The following CP variants were observed in gnomAD, a reference collection of about 807,000 sequenced individuals.
The protein encoded by CP is caeruloplasmin.
Under a neutral mutation model 122.4 loss-of-function variants are expected in CP, and 64 were observed. The ratio of observed to expected loss-of-function variants is 0.52; its 90% confidence interval spans 0.43 to 0.64. The LOEUF is 0.64. Among genes scored for constraint, CP ranks in the 30% least tolerant of loss-of-function variants. The pLI is 0.00. For missense variants in CP, 1,167 were observed against 1,284.4 expected, an observed-to-expected ratio of 0.91 and a Z score of 1.40; for synonymous variants, 440 against 436.4, an observed-to-expected ratio of 1.01 and a Z score of -0.10.
At chr3:149,172,317 A>AACACAC (rs1559931139), downstream of CP, 5 of 640,856 alleles carry the variant, frequency 7.8e-6, no homozygotes, top group African/African-American at 8.4e-5. Flanking sequence ...TATTTTATAT[A>AACACAC]TCACACACAC....
rs1362093531 is a variant in CP, at chr3:149,166,010, G to T, written c.627C>A (p.Tyr209Ter). ...AAATAATCACACTGACTGTGATTGGGTAGATCACATTCCATATTCTCCTGT... is the reference window on the plus strand; with the variant it reads ...AAATAATCACACTGACTGTGATTGGTTAGATCACATTCCATATTCTCCTGT... The change falls in exon 5 of 6, where the codon TAC (tyrosine) becomes TAA (stop). Residue 209 changes from tyrosine (Y) to a stop codon, truncating the protein, a stop_gained. Coordinates refer to the CP transcript ENST00000479771. LOFTEE classifies it high-confidence loss of function. 1 of 456,276 alleles carries T rather than the reference G, an allele frequency of 2.2e-6. No individual in the cohort carries two copies. The highest frequency in any genetic ancestry group is 7.0e-5 in the East Asian group (1 of 14,362). The allele number at this position is 456,276 out of a possible 1,614,324, so 28.3% of individuals were successfully genotyped here.
At chr3:149,168,029 T>G (rs763410416), downstream of CP, 1 of 1,145,762 alleles carries the variant, frequency 8.7e-7, no homozygotes, top group Admixed American at 1.7e-5. Flanking sequence ...AAGTTTCAGT[T>G]TTAAATTTGG....
chr3:149,181,821 CT>C (rs35090033), intron 14 of CP, among the ~76,000 whole-genome samples, 183 bp downstream of exon 14: 12 of 148,706 alleles, frequency 8.1e-5, no homozygotes, highest in Middle Eastern at 3.5e-3. Context: ...CTCCTGTGGA[CT>C]TTTTTTTTTA....
In CP at chr3:149,172,751, T is replaced by A. The variant is rs34225821; in HGVS notation, c.*963A>T. ...CTCATTTTTTTTGTTCCTTTTCTTG[T>A]TACTTTTAAGAAAACTCATGCTCTG... On this transcript the variant is annotated 3_prime_UTR_variant, in exon 19 of 19. Transcript: ENST00000264613. The A allele has an allele frequency of 6.5e-6, 1 of 152,966 alleles. No individual in the cohort carries two copies. The highest frequency in any genetic ancestry group is 6.5e-5 in the Admixed American group (1 of 15,314). The allele number at this position is 152,966 out of a possible 1,614,324, so 9.5% of individuals were successfully genotyped here. A position where few individuals can be genotyped will look rare whatever the true frequency, so the allele number is the denominator to read the frequency against.
chr3:149,199,864 C>G lies in CP; in HGVS notation c.1349G>C (p.Gly450Ala). 2 of 1,613,862 alleles carry G rather than the reference C, an allele frequency of 1.2e-6. No individual in the cohort carries two copies. The highest frequency in any genetic ancestry group is 1.7e-6 in the Non-Finnish European group (2 of 1,179,844). Residue 450 changes from glycine (G) to alanine (A), a missense_variant and splice_region_variant, in exon 8 of 19, where the codon GGT becomes GCT. By Grantham distance (60) the Gly-to-Ala change is moderately conservative (BLOSUM62 0). Transcript: ENST00000264613. ...TCCCACCTCTGCCCAAATGACAGGA[C>G]CTGGGAACAAAGAGAGAATTATTAT... ...GPEEEHLGIL[G>A]PVIWAEVGDT...
At chr3:149,181,975 C>CCGGGG in intron 14 of CP, 30 bp downstream of exon 14, 1 of 1,088,426 alleles carries the variant, frequency 9.2e-7, no homozygotes, top group Non-Finnish European at 1.4e-6. Context: ...TGTTAAAATG[C>CCGGGG]ACCACCCCCA....
At chr3:149,179,694 G>A in intron 14 of CP, 32 bp from the exon 15 acceptor site, 2 of 1,169,374 alleles carry the variant, frequency 1.7e-6, no homozygotes, top group South Asian at 1.2e-5. Flanking sequence ...GGATCTGGTT[G>A]TATTTGGTTT....
intron 9 of CP, among the ~76,000 whole-genome samples, chr3:149,195,751 A>C (rs1267760013): frequency 6.6e-6 from 1 of 152,078 alleles, no homozygotes; most frequent in East Asian, 1.9e-4. Flanking sequence ...CTGTAGTCCC[A>C]GCTACTCAGG....
intron 17 of CP, 76 bp from the exon 18 acceptor site, chr3:149,176,488 T>C: frequency 8.5e-7 from 1 of 1,177,262 alleles, no homozygotes; most frequent in Non-Finnish European, 1.3e-6. Context: ...AATGTTCAGC[T>C]CAGGGATATT....
At chr3:149,170,883 G>A (rs1724907932), downstream of CP, among the ~76,000 whole-genome samples, 1 of 152,154 alleles carries the variant, frequency 6.6e-6, no homozygotes, top group Non-Finnish European at 1.5e-5. Context: ...GTTCATAACT[G>A]TCACCCTTCT....
intron 1 of CP, among the ~76,000 whole-genome samples, chr3:149,215,785 G>T (rs911957900): frequency 6.6e-6 from 1 of 152,074 alleles, no homozygotes; most frequent in Non-Finnish European, 1.5e-5. Flanking sequence ...TTTAATTGTA[G>T]TTCTTCCTGT....
downstream of CP, among the ~76,000 whole-genome samples, chr3:149,170,798 C>T (rs1194025892): frequency 6.6e-6 from 1 of 152,106 alleles, no homozygotes; most frequent in Non-Finnish European, 1.5e-5. Context: ...GATGGGCATG[C>T]AACGATCACA....
At position 149,186,604 on chromosome 3, in the gene CP, ATG is replaced by A. The variant is rs1257565717; in HGVS notation, c.1991_1992del (p.Thr664IlefsTer26). The A allele has an allele frequency of 3.7e-6, 6 of 1,614,044 alleles. No homozygotes were observed. In the African/African-American group the frequency reaches 5.3e-5, roughly 14 times the overall value. On this transcript the variant is annotated frameshift_variant, in exon 11 of 19. Coordinates refer to ENST00000264613, the MANE Select transcript of CP (RefSeq NM_000096.4). LOFTEE classifies it high-confidence loss of function. Reference protein sequence around the residue: ...DVHGIYFSGNTYLWRGERRDT... With the variant: ...DVHGIYFSGNXYLWRGERRDT... ...TCTCTCCGTTCTCCTCTCCACAGAT[ATG>A]TGTTTCCTGAAAAGTATATTCCATG... is the stretch of plus-strand genomic sequence containing the variant.
downstream of CP, among the ~76,000 whole-genome samples, chr3:149,171,236 C>T (rs1207266444): frequency 6.6e-6 from 1 of 151,968 alleles, no homozygotes; most frequent in Non-Finnish European, 1.5e-5. Flanking sequence ...TGAGATCGCA[C>T]CACTGCACTC....
chr3:149,179,485 A>G, intron 15 of CP, 71 bp downstream of exon 15: 3 of 1,190,644 alleles, frequency 2.5e-6, no homozygotes, highest in Non-Finnish European at 3.7e-6. Context: ...ACAGGAAAAC[A>G]CTAACCTTGT....
chr3:149,163,716 C>T, intron 5 of CP: 2 of 610,042 alleles, frequency 3.3e-6, no homozygotes, highest in Non-Finnish European at 5.9e-6. Context: ...CCTTCCCATT[C>T]CCAGGAAAGT....
chr3:149,205,379 C>T (rs1380598953), intron 6 of CP, among the ~76,000 whole-genome samples: 3 of 148,526 alleles, frequency 2.0e-5, no homozygotes, highest in Non-Finnish European at 3.0e-5. Flanking sequence ...GAAGCGGAAT[C>T]GCTTCTAGCT....
chr3:149,178,286 C>T (rs754056052), intron 16 of CP, 129 bp downstream of exon 16: 2 of 745,072 alleles, frequency 2.7e-6, no homozygotes, highest in Non-Finnish European at 4.4e-6. Context: ...AGGATTCTAC[C>T]TGACATACAA....
intron 4 of CP, chr3:149,167,257 T>G: frequency 6.3e-7 from 1 of 1,592,184 alleles, no homozygotes; most frequent in Non-Finnish European, 8.6e-7. Context: ...TTTTTCAGAT[T>G]ATGTTTTTAG....
Sources: allele counts gnomAD v4.1 joint callset (sites outside exome capture counted in the v4.1 genomes callset), GRCh38; gene constraint gnomAD v4.1.1; transcripts MANE v1.5; gene names NCBI Gene and HGNC (gene_info 2026-07-23, HGNC 2026-07-21).